The following ST6GAL2 variants were observed in gnomAD, a reference collection of about 807,000 sequenced individuals.
The protein encoded by ST6GAL2 is beta-galactoside alpha-2,6-sialyltransferase 2.
A neutral mutation model predicts 37.5 loss-of-function variants in ST6GAL2; 24 were observed. The ratio of observed to expected loss-of-function variants is 0.64; its 90% CI spans 0.46 to 0.90. The LOEUF is 0.90. Ranked by LOEUF, ST6GAL2 falls within the 40% of genes least tolerant of loss-of-function variation. ST6GAL2 has a pLI of 0.00. For missense variants in ST6GAL2, 715 were observed against 712.7 expected (o/e 1.00, Z -0.04); for synonymous variants, 306 against 295.1 (o/e 1.04, Z -0.38).
At chr2:106,823,036 A>G (rs1319402203) in intron 5 of ST6GAL2, 1 of 152,216 alleles carries the variant, frequency 6.6e-6, no homozygotes, top group African/African-American at 2.4e-5. Context: ...CAACAATAAA[A>G]TACTTTTGGT....
chr2:106,802,160 G>A lies in ST6GAL2; in HGVS notation c.*4518C>T, dbSNP rs765035193. The A allele has an allele frequency of 1.3e-5, 2 of 151,924 alleles. No individual in the cohort carries two copies. Among genetic ancestry groups the A allele is most frequent in the Non-Finnish European group, 2.9e-5 (2 of 67,982 alleles). The allele number at this position is 151,924 out of a possible 1,614,324, so 9.4% of individuals were successfully genotyped here. A position where few individuals can be genotyped will look rare whatever the true frequency, so the allele number is the denominator to read the frequency against. Reference sequence around the variant, plus strand: ...GCAGAGTATGAGTGTGTGGGAAGCGGTTGGCGGAGGACTGAATTTTTTTTC... The same window carrying A: ...GCAGAGTATGAGTGTGTGGGAAGCGATTGGCGGAGGACTGAATTTTTTTTC... On this transcript the variant is annotated 3_prime_UTR_variant, in exon 6 of 6. Transcript: ENST00000409382.
chr2:106,874,801 T>C (rs1678431988), intron 1 of ST6GAL2, among the ~76,000 whole-genome samples: 1 of 152,174 alleles, frequency 6.6e-6, no homozygotes, highest in South Asian at 2.1e-4. Context: ...CATAAACACA[T>C]ATTTTCAAGC....
At chr2:106,833,314 AGTT>A (rs1163486431) in intron 3 of ST6GAL2, among the ~76,000 whole-genome samples, 2 of 152,114 alleles carry the variant, frequency 1.3e-5, no homozygotes, top group African/African-American at 4.8e-5. Flanking sequence ...CTTTGTAAAA[AGTT>A]GTTATTAAAT....
At chr2:106,866,544 A>G (rs1678031448) in intron 1 of ST6GAL2, among the ~76,000 whole-genome samples, 1 of 152,200 alleles carries the variant, frequency 6.6e-6, no homozygotes, top group Non-Finnish European at 1.5e-5. Context: ...TGGTACCTCT[A>G]CGACAAGTGG....
In ST6GAL2 at chr2:106,843,262, C is replaced by T. The variant is rs371609380; in HGVS notation, c.716G>A (p.Arg239His). ...LTANKHGVRFRGKREAGLSRA... is the reference protein window; with the variant it reads ...LTANKHGVRFHGKREAGLSRA... ...GCTCAGCCCGGCCTCCCGCTTCCCG[C>T]GGAAGCGCACCCCGTGCTTGTTGGC... is the stretch of plus-strand genomic sequence containing the variant. Residue 239 changes from arginine (R) to histidine (H), a missense_variant, in exon 2 of 6, where the codon CGC (arginine) becomes CAC (histidine). Coordinates refer to ENST00000409382, the MANE Select transcript of ST6GAL2 (RefSeq NM_001142351.2). 6 of 1,601,404 alleles carry T rather than the reference C, an allele frequency of 3.7e-6. No homozygotes were observed. In the African/African-American group the frequency reaches 8.0e-5, roughly 21 times the overall value.
At chr2:106,852,439 G>A (rs183491057) in intron 1 of ST6GAL2, among the ~76,000 whole-genome samples, 1 of 152,312 alleles carries the variant, frequency 6.6e-6, no homozygotes, top group East Asian at 1.9e-4. Context: ...TGGCGGCTGG[G>A]CTTCCGGATA....
chr2:106,812,561 T>C (rs900027952), intron 5 of ST6GAL2, among the ~76,000 whole-genome samples: 1 of 152,236 alleles, frequency 6.6e-6, no homozygotes, highest in African/African-American at 2.4e-5. Context: ...GTTAGAGGGG[T>C]GGGAACCTTC....
chr2:106,860,358 T>C (rs1445321908), intron 1 of ST6GAL2, among the ~76,000 whole-genome samples: 1 of 152,102 alleles, frequency 6.6e-6, no homozygotes, highest in Non-Finnish European at 1.5e-5. Context: ...GGAAGGAGAT[T>C]GAGGAGGAAA....
At chr2:106,808,065 C>T (rs1312795614) in intron 5 of ST6GAL2, among the ~76,000 whole-genome samples, 2 of 152,134 alleles carry the variant, frequency 1.3e-5, no homozygotes, top group Non-Finnish European at 2.9e-5. Context: ...CATAAAGCAG[C>T]ACAGTTATTC....
At chr2:106,869,900 C>G (rs1678192493) in intron 1 of ST6GAL2, among the ~76,000 whole-genome samples, 2 of 152,200 alleles carry the variant, frequency 1.3e-5, no homozygotes, top group South Asian at 4.1e-4. Context: ...CCACAAGGCA[C>G]CTGACCTTTG....
intron 1 of ST6GAL2, among the ~76,000 whole-genome samples, chr2:106,870,172 AC>A (rs1270123083): frequency 2.0e-5 from 3 of 152,006 alleles, no homozygotes; most frequent in South Asian, 4.2e-4. Flanking sequence ...GATTCTTCCC[AC>A]CCTTCATTGG....
intron 5 of ST6GAL2, among the ~76,000 whole-genome samples, chr2:106,807,588 A>G (rs1675459798): frequency 6.6e-6 from 1 of 151,888 alleles, no homozygotes; most frequent in Non-Finnish European, 1.5e-5. Context: ...AATGTTTCAA[A>G]TAATCAGCTA....
intron 5 of ST6GAL2, among the ~76,000 whole-genome samples, chr2:106,820,235 C>T (rs1329601841): frequency 2.0e-5 from 3 of 151,896 alleles, no homozygotes; most frequent in Non-Finnish European, 2.9e-5. Flanking sequence ...CACACTTCAC[C>T]AATAAAGAGA....
intron 2 of ST6GAL2, chr2:106,834,583 T>C (rs1354257361): frequency 6.5e-6 from 1 of 154,140 alleles, no homozygotes; most frequent in Non-Finnish European, 1.4e-5. Flanking sequence ...CAAGGGCTGC[T>C]TTTTGGTGCT....
chr2:106,829,825 G>A (rs2104465073), intron 5 of ST6GAL2, among the ~76,000 whole-genome samples: 1 of 151,842 alleles, frequency 6.6e-6, no homozygotes, highest in Middle Eastern at 3.4e-3. Flanking sequence ...TGCCTACATG[G>A]CACTCAAAGC....
chr2:106,841,735 A>G (rs1228701728), intron 2 of ST6GAL2, among the ~76,000 whole-genome samples: 1 of 152,124 alleles, frequency 6.6e-6, no homozygotes, highest in Non-Finnish European at 1.5e-5. Flanking sequence ...GAGGAAGGGG[A>G]ATTCTGAGGA....
In ST6GAL2 at chr2:106,802,016, C is replaced by G. The variant is rs1275401086; in HGVS notation, c.*4662G>C. 2 of 152,178 alleles carry G rather than the reference C, an allele frequency of 1.3e-5. No individual in the cohort carries two copies. Among genetic ancestry groups the G allele is most frequent in the Non-Finnish European group, 2.9e-5 (2 of 68,020 alleles). 9.4% of individuals were successfully genotyped at this position (152,178 alleles called of 1,614,324 possible). On this transcript the variant is annotated 3_prime_UTR_variant, in exon 6 of 6. Transcript: ENST00000409382. ...AAAGCCATGAGCTACAGCTAAGCTT[C>G]CCTTCAAAGTTCAGTGTTAAATCAG... is the stretch of plus-strand genomic sequence containing the variant.
intron 2 of ST6GAL2, among the ~76,000 whole-genome samples, chr2:106,840,279 C>T (rs552072428): frequency 2.0e-5 from 3 of 152,300 alleles, no homozygotes; most frequent in East Asian, 3.9e-4. Flanking sequence ...CTACACCATG[C>T]CCCCAATATT....
At chr2:106,839,967 T>C (rs914512753) in intron 2 of ST6GAL2, among the ~76,000 whole-genome samples, 1 of 152,144 alleles carries the variant, frequency 6.6e-6, no homozygotes, top group Non-Finnish European at 1.5e-5. Context: ...ACCAATTCCA[T>C]TGTGTGACCC....
Sources: gnomAD v4.1 joint callset for allele counts (sites outside exome capture counted in the v4.1 genomes callset) on GRCh38, gnomAD v4.1.1 for gene constraint, MANE v1.5 for transcripts, NCBI Gene and HGNC (gene_info 2026-07-23, HGNC 2026-07-21) for gene names.